The following XPR1 variants were observed in gnomAD, a reference collection of about 807,000 sequenced individuals.
The protein encoded by XPR1 is xenotropic and polytropic retrovirus receptor 1.
XPR1 carries 28 observed loss-of-function variants against 87.5 expected under a neutral mutation model. The ratio of observed to expected loss-of-function variants is 0.32; its 90% CI spans 0.24 to 0.44. The LOEUF (loss-of-function observed/expected upper bound fraction) is 0.44, where lower values mean the gene tolerates loss of function less well. Among genes scored for constraint, XPR1 ranks in the 20% least tolerant of loss-of-function variants. XPR1 has a pLI of 1.00. For missense variants in XPR1, 559 were observed against 862.3 expected (o/e 0.65, Z 4.41); for synonymous variants, 300 against 306.1 (o/e 0.98, Z 0.21).
chr1:180,657,930 T>C (rs1655592500), intron 1 of XPR1, among the ~76,000 whole-genome samples: 1 of 152,194 alleles, frequency 6.6e-6, no homozygotes, highest in South Asian at 2.1e-4. Context: ...ATGGAATATC[T>C]TTCCATTTTT....
intron 2 of XPR1, among the ~76,000 whole-genome samples, chr1:180,755,331 A>T (rs903614761): frequency 2.0e-5 from 3 of 152,254 alleles, no homozygotes; most frequent in Non-Finnish European, 4.4e-5. Context: ...TAAGTTAAGA[A>T]GCAGGTGAAA....
chr1:180,826,955 A>G (rs891790491), intron 9 of XPR1, among the ~76,000 whole-genome samples: 1 of 151,910 alleles, frequency 6.6e-6, no homozygotes, highest in Non-Finnish European at 1.5e-5. Flanking sequence ...GGAGTTCAAG[A>G]CCAGCCTGGC....
intron 1 of XPR1, 67 bp downstream of exon 1, chr1:180,632,337 C>T (rs1349355358): frequency 3.9e-6 from 6 of 1,541,584 alleles, no homozygotes; most frequent in African/African-American, 2.7e-5. Context: ...TGACGTCCAC[C>T]GCCGCCTTCC....
At chr1:180,682,449 CCT>C (rs1557954662) in intron 2 of XPR1, 38 bp downstream of exon 2, 4 of 1,561,616 alleles carry the variant, frequency 2.6e-6, no homozygotes, top group Non-Finnish European at 3.5e-6. Context: ...TCACAGAAAA[CCT>C]CTTTTTAAGG....
chr1:180,673,009 A>T (rs1656237840), intron 1 of XPR1, among the ~76,000 whole-genome samples: 1 of 152,156 alleles, frequency 6.6e-6, no homozygotes, highest in African/African-American at 2.4e-5. Flanking sequence ...CTAACTTTGA[A>T]TGACTGTTGA....
intron 1 of XPR1, among the ~76,000 whole-genome samples, chr1:180,650,230 C>G (rs894586058): frequency 1.3e-5 from 2 of 151,942 alleles, no homozygotes; most frequent in African/African-American, 4.8e-5. Flanking sequence ...ACCGCCGTCC[C>G]CCCAACTTTT....
At chr1:180,778,685 A>G (rs1462062996) in intron 2 of XPR1, among the ~76,000 whole-genome samples, 2 of 152,154 alleles carry the variant, frequency 1.3e-5, no homozygotes, top group African/African-American at 2.4e-5. Context: ...CCCCTGAAAG[A>G]CAACCCACCT....
chr1:180,781,610 A>G (rs1648941631), intron 2 of XPR1, among the ~76,000 whole-genome samples: 1 of 150,934 alleles, frequency 6.6e-6, no homozygotes, highest in African/African-American at 2.4e-5. Context: ...TTTTTTTTTA[A>G]ACACCCCTGG....
intron 2 of XPR1, among the ~76,000 whole-genome samples, chr1:180,735,966 A>G (rs1372020121): frequency 2.0e-5 from 3 of 152,192 alleles, no homozygotes; most frequent in African/African-American, 4.8e-5. Flanking sequence ...TGAATACTAG[A>G]CACCAGGATA....
intron 1 of XPR1, among the ~76,000 whole-genome samples, chr1:180,647,902 CA>C (rs1009441967): frequency 2.5e-3 from 141 of 55,930 alleles, no homozygotes; most frequent in South Asian, 0.012. Context: ...CTCTTATCTG[CA>C]AAAAAAAAAA....
At chr1:180,778,901 T>G (rs1401715578) in intron 2 of XPR1, among the ~76,000 whole-genome samples, 1 of 152,206 alleles carries the variant, frequency 6.6e-6, no homozygotes, top group East Asian at 1.9e-4. Context: ...ATCAATATTT[T>G]CCATGGCACT....
intron 2 of XPR1, among the ~76,000 whole-genome samples, chr1:180,736,819 A>G (rs1658744295): frequency 6.6e-6 from 1 of 152,172 alleles, no homozygotes. Flanking sequence ...TATGTGTTCA[A>G]CAGTGAGCAG....
chr1:180,846,736 G>A (rs937084202), intron 11 of XPR1, among the ~76,000 whole-genome samples: 3 of 151,804 alleles, frequency 2.0e-5, no homozygotes, highest in Admixed American at 6.6e-5. Context: ...TGTGAGCCAC[G>A]GTGCCTGGCT....
chr1:180,785,526 C>CT lies in XPR1; in HGVS notation c.122-2224dup, dbSNP rs532922945. Among the ~76,000 whole-genome samples the CT allele has an allele frequency of 1.4e-3, 214 of 152,016 alleles. 4 individuals carry two copies. Among genetic ancestry groups the CT allele is most frequent in the Non-Finnish European group, 2.5e-3 (172 of 67,990 alleles). On this transcript the variant is annotated intron_variant, in intron 2 of 14. Transcript: ENST00000367590. ...CTGATTCATGGGTAGAATATTCATG[C>CT]TTTAACACATGAAGTTTATGTATAT...
chr1:180,860,449 C>G (rs1007917532), intron 11 of XPR1, among the ~76,000 whole-genome samples: 1 of 152,054 alleles, frequency 6.6e-6, no homozygotes, highest in African/African-American at 2.4e-5. Flanking sequence ...TGAAAACAGT[C>G]TGTATGTTCA....
intron 2 of XPR1, among the ~76,000 whole-genome samples, chr1:180,758,285 T>TA (rs1310717565): frequency 1.3e-5 from 2 of 151,738 alleles, no homozygotes; most frequent in South Asian, 2.1e-4. Context: ...ATGTGGGAGC[T>TA]AAAAAAATAG....
intron 1 of XPR1, among the ~76,000 whole-genome samples, chr1:180,660,987 C>T (rs1342502975): frequency 1.3e-5 from 2 of 152,144 alleles, no homozygotes; most frequent in Non-Finnish European, 2.9e-5. Context: ...TTATCTCTCT[C>T]TTTAGCTCTA....
intron 2 of XPR1, among the ~76,000 whole-genome samples, chr1:180,711,243 T>C (rs2101984338): frequency 6.6e-6 from 1 of 152,260 alleles, no homozygotes; most frequent in South Asian, 2.1e-4. Flanking sequence ...ATCTCGGCAC[T>C]TTGGGAGGCC....
Position 180,836,640 on chromosome 1 carries a change from T to C in XPR1, c.1425T>C (p.Pro475=), listed in dbSNP as rs765520162. The C allele has an allele frequency of 1.9e-6, 3 of 1,614,196 alleles. No individual in the cohort carries two copies. Residue 475 remains proline, a synonymous_variant, in exon 11 of 15, where the codon CCT becomes CCC. Coordinates refer to ENST00000367590, the MANE Select transcript of XPR1 (RefSeq NM_004736.4). ...ATCGAGACACAAAAAGGGCCTTTCC[T>C]CATTTAGTTAATGCTGGCAAATACT... ...RRYRDTKRAF[P]HLVNAGKYST...
Sources: gnomAD v4.1 joint callset for allele counts (sites outside exome capture counted in the v4.1 genomes callset) on GRCh38, gnomAD v4.1.1 for gene constraint, MANE v1.5 for transcripts, NCBI Gene and HGNC (gene_info 2026-07-23, HGNC 2026-07-21) for gene names.